Variants in GRIP1 observed in about 807,000 individuals in gnomAD.
The protein encoded by GRIP1 is glutamate receptor interacting protein 1.
Under a neutral mutation model 129.9 loss-of-function variants are expected in GRIP1, and 45 were observed. That is an observed-to-expected ratio of 0.35 (90% confidence interval 0.27 to 0.44). The LOEUF (loss-of-function observed/expected upper bound fraction) is 0.44, where lower values mean the gene tolerates loss of function less well. GRIP1 is among the 20% of genes least tolerant of loss of function. The pLI is 1.00. For synonymous variants in GRIP1, 530 were observed against 520.8 expected, an observed-to-expected ratio of 1.02 and a Z score of -0.24; for missense variants, 1,196 against 1,396.8, an observed-to-expected ratio of 0.86 and a Z score of 2.29.
At chr12:66,657,720 C>T (rs2033247106) in intron 1 of GRIP1, among the ~76,000 whole-genome samples, 1 of 152,170 alleles carries the variant, frequency 6.6e-6, no homozygotes, top group Non-Finnish European at 1.5e-5. Flanking sequence ...TGACGGGTTT[C>T]CTTTCCACTG....
At chr12:66,717,191 A>T (rs2035916135) in intron 1 of GRIP1, among the ~76,000 whole-genome samples, 1 of 152,102 alleles carries the variant, frequency 6.6e-6, no homozygotes, top group South Asian at 2.1e-4. Context: ...AAGAACAACA[A>T]CTTATGGCAG....
At chr12:66,533,887 A>ACACTCTCTCTCT (rs139244381) in intron 4 of GRIP1, among the ~76,000 whole-genome samples, 5 of 147,938 alleles carry the variant, frequency 3.4e-5, no homozygotes, top group Admixed American at 6.8e-5. Flanking sequence ...ACATACACAC[A>ACACTCTCTCTCT]CTCTCTCTCT....
intron 16 of GRIP1, among the ~76,000 whole-genome samples, chr12:66,401,148 G>A (rs2056973253): frequency 6.6e-6 from 1 of 152,122 alleles, no homozygotes; most frequent in South Asian, 2.1e-4. Flanking sequence ...AACCCCAAGT[G>A]TTCCAAAAGA....
chr12:66,992,864 G>C (rs914729125), intron 1 of GRIP1, among the ~76,000 whole-genome samples: 1 of 152,200 alleles, frequency 6.6e-6, no homozygotes, highest in Non-Finnish European at 1.5e-5. Context: ...TATAATCCCA[G>C]CACTTTGGGA....
chr12:66,602,067 C>T lies in GRIP1; in HGVS notation c.56-5140G>A, dbSNP rs116166626. Among the ~76,000 whole-genome samples, 1,336 of 152,242 alleles carry T rather than the reference C, an allele frequency of 8.8e-3. 14 individuals carry two copies. Among genetic ancestry groups the T allele is most frequent in the African/African-American group, 0.031 (1,275 of 41,546 alleles). ...GGGAGATCCACCATTAGGAATTTAT[C>T]TATGGTTTTTTAATCAGAAAAGTCA... On this transcript the variant is annotated intron_variant, in intron 1 of 24. Coordinates refer to ENST00000359742, the MANE Select transcript of GRIP1 (RefSeq NM_001366722.1).
intron 1 of GRIP1, among the ~76,000 whole-genome samples, chr12:66,645,476 G>A (rs1592695018): frequency 6.6e-6 from 1 of 152,036 alleles, no homozygotes; most frequent in Admixed American, 6.6e-5. Flanking sequence ...TTTTACAAAG[G>A]GATTAACTTT....
At chr12:66,615,401 G>A (rs1012428214) in intron 1 of GRIP1, among the ~76,000 whole-genome samples, 6 of 152,252 alleles carry the variant, frequency 3.9e-5, no homozygotes, top group Non-Finnish European at 7.4e-5. Flanking sequence ...CAAGAGAGAG[G>A]TGGAGTCAGG....
At chr12:66,422,811 T>C (rs1029910417) in intron 14 of GRIP1, among the ~76,000 whole-genome samples, 1 of 152,194 alleles carries the variant, frequency 6.6e-6, no homozygotes, top group African/African-American at 2.4e-5. Flanking sequence ...TCTCCTTTAA[T>C]GGACTCGATA....
chr12:67,044,030 A>G (rs980712108), intron 1 of GRIP1, among the ~76,000 whole-genome samples: 3 of 152,190 alleles, frequency 2.0e-5, no homozygotes, highest in Non-Finnish European at 4.4e-5. Flanking sequence ...AGAACCTTTT[A>G]TAATAGAGCC....
At chr12:66,420,646 T>C (rs1592823764) in intron 15 of GRIP1, 74 bp downstream of exon 15, 1 of 835,132 alleles carries the variant, frequency 1.2e-6, no homozygotes, top group Non-Finnish European at 2.1e-6. Context: ...AGGTTTGCTT[T>C]GGGTGTGGAA....
At chr12:66,463,139 TG>T in intron 8 of GRIP1, 46 bp from the exon 9 acceptor site, 1 of 1,463,552 alleles carries the variant, frequency 6.8e-7, no homozygotes, top group Admixed American at 1.7e-5. Context: ...CCTTCCTCTT[TG>T]GAATCTGACT....
chr12:66,492,058 C>G (rs2060117778), intron 7 of GRIP1, among the ~76,000 whole-genome samples: 1 of 152,072 alleles, frequency 6.6e-6, no homozygotes, highest in Non-Finnish European at 1.5e-5. Context: ...TACTCATATT[C>G]TTAACTTTCC....
Position 66,857,700 on chromosome 12 carries a change from T to A in GRIP1, c.58+211350A>T, listed in dbSNP as rs186011766. ...AATGAATAAAATGTGGTTCCTGACT[T>A]CAAGGAGCTCATTTTGAGGTGCAGG... On this transcript the variant is annotated intron_variant, in intron 1 of 1. Coordinates refer to the GRIP1 transcript ENST00000643019. Among the ~76,000 whole-genome samples, 7 of 152,100 alleles carry A rather than the reference T, an allele frequency of 4.6e-5. No homozygotes were observed. The South Asian group carries it at 8.3e-4, about 18-fold the overall frequency.
At chr12:66,848,842 T>C in intron 1 of GRIP1, among the ~76,000 whole-genome samples, 1 of 152,162 alleles carries the variant, frequency 6.6e-6, no homozygotes, top group East Asian at 1.9e-4. Context: ...AACCTCTGTG[T>C]CATACTGAGG....
At chr12:66,521,958 T>C (rs4322492) in intron 5 of GRIP1, among the ~76,000 whole-genome samples, 108,414 of 152,120 alleles carry the variant, frequency 0.71, 39,672 homozygotes, top group African/African-American at 0.89. Flanking sequence ...TGGGGGAGGG[T>C]GCCTGCCATT....
chr12:67,007,884 G>T (rs1401844944), intron 1 of GRIP1, among the ~76,000 whole-genome samples: 1 of 152,004 alleles, frequency 6.6e-6, no homozygotes, highest in Non-Finnish European at 1.5e-5. Context: ...CCTACAATGT[G>T]CATCAACATC....
intron 7 of GRIP1, among the ~76,000 whole-genome samples, chr12:66,494,001 G>A (rs1223379925): frequency 6.6e-6 from 1 of 152,176 alleles, no homozygotes; most frequent in Middle Eastern, 3.2e-3. Flanking sequence ...TGTAAAAAAA[G>A]AGGCAGGAGG....
chr12:67,057,561 G>A (rs1376350295), intron 1 of GRIP1, among the ~76,000 whole-genome samples: 2 of 152,100 alleles, frequency 1.3e-5, no homozygotes, highest in Admixed American at 6.6e-5. Flanking sequence ...GGGAGGGTAA[G>A]GGTCTGAGTA....
chr12:66,775,946 T>C (rs542491390), intron 1 of GRIP1, among the ~76,000 whole-genome samples: 58 of 152,304 alleles, frequency 3.8e-4, no homozygotes, highest in African/African-American at 1.4e-3. Flanking sequence ...AGACACAGTA[T>C]AGCATTGCCA....
Sources: gnomAD v4.1 joint callset for allele counts (sites outside exome capture counted in the v4.1 genomes callset) on GRCh38, gnomAD v4.1.1 for gene constraint, MANE v1.5 for transcripts, NCBI Gene and HGNC (gene_info 2026-07-23, HGNC 2026-07-21) for gene names.